CAAP1: variants seen among roughly 807,000 people sequenced by gnomAD.
CAAP1 encodes conserved anti-apoptotic protein.
Under a neutral mutation model 34.0 loss-of-function variants are expected in CAAP1, and 20 were observed. That is an observed-to-expected ratio of 0.59 (90% confidence interval 0.41 to 0.86). The LOEUF (loss-of-function observed/expected upper bound fraction) is 0.86. Ranked by LOEUF, CAAP1 falls within the 40% of genes least tolerant of loss-of-function variation. The pLI, the probability that CAAP1 is intolerant of heterozygous loss-of-function variation, is 0.00. For missense variants in CAAP1, 538 were observed against 450.5 expected, an observed-to-expected ratio of 1.19 and a Z score of -1.76; for synonymous variants, 213 against 166.7, an observed-to-expected ratio of 1.28 and a Z score of -2.14.
At chr9:26,891,981 C>T (rs1823914445) in intron 1 of CAAP1, among the ~76,000 whole-genome samples, 1 of 152,102 alleles carries the variant, frequency 6.6e-6, no homozygotes, top group Admixed American at 6.5e-5. Context: ...TATTAACAAA[C>T]TCTGTGACCG....
intron 5 of CAAP1, among the ~76,000 whole-genome samples, chr9:26,847,370 A>ACGCC (rs1436506095): frequency 6.6e-6 from 1 of 150,916 alleles, no homozygotes; most frequent in Admixed American, 6.6e-5. Flanking sequence ...GCCCGCCACC[A>ACGCC]CGCCCAGCTA....
intron 5 of CAAP1, among the ~76,000 whole-genome samples, chr9:26,856,013 T>G (rs115477269): frequency 0.021 from 3,145 of 152,234 alleles, 104 homozygotes; most frequent in African/African-American, 0.071. Flanking sequence ...GGTGCAATCA[T>G]GGCTCACTGC....
At chr9:26,885,708 A>G (rs1223738097) in intron 3 of CAAP1, among the ~76,000 whole-genome samples, 2 of 152,204 alleles carry the variant, frequency 1.3e-5, no homozygotes, top group Non-Finnish European at 2.9e-5. Context: ...TTCTAACTCT[A>G]TATCTGGGTC....
chr9:26,847,785 C>T (rs1474672729), intron 5 of CAAP1, among the ~76,000 whole-genome samples: 5 of 145,672 alleles, frequency 3.4e-5, no homozygotes, highest in Non-Finnish European at 6.1e-5. Context: ...GATTTTTTTT[C>T]CCTTTGTTTA....
At chr9:26,861,204 G>A in intron 4 of CAAP1, 65 bp from the exon 5 acceptor site, 1 of 1,214,986 alleles carries the variant, frequency 8.2e-7, no homozygotes, top group Non-Finnish European at 1.2e-6. Context: ...TACTACCCAG[G>A]TTCCCAGAAT....
chr9:26,866,036 G>A (rs1440842938), intron 4 of CAAP1, among the ~76,000 whole-genome samples: 3 of 151,994 alleles, frequency 2.0e-5, no homozygotes, highest in Admixed American at 6.6e-5. Context: ...CAGTAGAGAC[G>A]GGGTTTCACC....
chr9:26,865,123 C>CT (rs1332663577), intron 4 of CAAP1, among the ~76,000 whole-genome samples: 1 of 151,972 alleles, frequency 6.6e-6, no homozygotes, highest in Non-Finnish European at 1.5e-5. Flanking sequence ...GAGAAAAATC[C>CT]TTTTATACAT....
At chr9:26,865,154 C>A (rs1823103641) in intron 4 of CAAP1, among the ~76,000 whole-genome samples, 1 of 151,998 alleles carries the variant, frequency 6.6e-6, no homozygotes, top group Non-Finnish European at 1.5e-5. Flanking sequence ...ATGTTTTCTC[C>A]TAAATGATTT....
In CAAP1 at chr9:26,886,121, A is replaced by ATT; in HGVS notation, c.570_571dup (p.Ile191LysfsTer3). On this transcript the variant is annotated frameshift_variant, in exon 3 of 6. Transcript: ENST00000333916. LOFTEE classifies it high-confidence loss of function. ...ATTCTTACCCTCAAGAATCTTCAAA[A>ATT]TTTTTTTTTCAGACAGGAGCTCTAA... The ATT allele has an allele frequency of 1.3e-6, 2 of 1,533,734 alleles. No individual in the cohort carries two copies. The highest frequency in any genetic ancestry group is 2.0e-5 in the Admixed American group (1 of 49,918).
At chr9:26,852,581 G>A (rs1164070641) in intron 5 of CAAP1, among the ~76,000 whole-genome samples, 3 of 152,146 alleles carry the variant, frequency 2.0e-5, no homozygotes, top group African/African-American at 7.2e-5. Flanking sequence ...GTAAATAAGA[G>A]TACACTACTG....
In CAAP1 at chr9:26,892,778, C is replaced by A; in HGVS notation, c.-63G>T. ...TCTCTGGTGCGACCGAAGCCCGACT[C>A]CTGCGGCCGTGGGCGGCAGGCACTG... On this transcript the variant is annotated 5_prime_UTR_variant, in exon 1 of 6. Coordinates refer to ENST00000333916, the MANE Select transcript of CAAP1 (RefSeq NM_024828.4). 6.8e-7 allele frequency: 1 copy of A among 1,479,912 alleles called. No individual in the cohort carries two copies. Among genetic ancestry groups the A allele is most frequent in the Non-Finnish European group, 9.0e-7 (1 of 1,111,058 alleles). The allele number at this position is 1,479,912 out of a possible 1,614,324, so 91.7% of individuals were successfully genotyped here.
At chr9:26,849,461 C>T (rs547661568) in intron 5 of CAAP1, among the ~76,000 whole-genome samples, 38 of 152,172 alleles carry the variant, frequency 2.5e-4, no homozygotes, top group Admixed American at 1.0e-3. Flanking sequence ...TTAGTTCTTT[C>T]GCTGCTCTGT....
intron 1 of CAAP1, among the ~76,000 whole-genome samples, chr9:26,889,220 C>T (rs1022518494): frequency 6.6e-6 from 1 of 151,920 alleles, no homozygotes; most frequent in Admixed American, 6.5e-5. Flanking sequence ...TGTTCGAGAC[C>T]AGCCTGGCCA....
At chr9:26,851,031 T>C (rs1398083082) in intron 5 of CAAP1, among the ~76,000 whole-genome samples, 1 of 152,242 alleles carries the variant, frequency 6.6e-6, no homozygotes, top group Non-Finnish European at 1.5e-5. Context: ...TCAGAGATTA[T>C]TCCAAGAATC....
At chr9:26,845,495 C>G (rs1822578166) in intron 5 of CAAP1, among the ~76,000 whole-genome samples, 1 of 152,156 alleles carries the variant, frequency 6.6e-6, no homozygotes, top group East Asian at 1.9e-4. Flanking sequence ...CCTGCGTCAG[C>G]CTTCTGAGTA....
chr9:26,851,568 G>T (rs1822754396), intron 5 of CAAP1, among the ~76,000 whole-genome samples: 1 of 152,116 alleles, frequency 6.6e-6, no homozygotes, highest in African/African-American at 2.4e-5. Flanking sequence ...TCTTGCATTG[G>T]GGCACAATAA....
At chr9:26,868,925 C>T (rs539016457) in intron 4 of CAAP1, among the ~76,000 whole-genome samples, 95 of 152,118 alleles carry the variant, frequency 6.2e-4, no homozygotes, top group African/African-American at 2.0e-3. Context: ...ACGGAACATC[C>T]GGGAAAATCT....
At chr9:26,892,386 G>A (rs766901414) in intron 1 of CAAP1, 27 bp downstream of exon 1, 1 of 1,602,400 alleles carries the variant, frequency 6.2e-7, no homozygotes, top group Non-Finnish European at 8.5e-7. Flanking sequence ...GCAGCTCCAG[G>A]AAGCGGCCAG....
intron 4 of CAAP1, among the ~76,000 whole-genome samples, chr9:26,878,863 A>G (rs369315751): frequency 2.2e-4 from 33 of 152,294 alleles, no homozygotes; most frequent in Non-Finnish European, 4.1e-4. Flanking sequence ...ATGCAAATCA[A>G]TAAGTACCTA....
Sources: gnomAD v4.1 joint callset for allele counts (sites outside exome capture counted in the v4.1 genomes callset) on GRCh38, gnomAD v4.1.1 for gene constraint, MANE v1.5 for transcripts, NCBI Gene and HGNC (gene_info 2026-07-23, HGNC 2026-07-21) for gene names.